CNST: variants seen among roughly 807,000 people sequenced by gnomAD.
CNST encodes consortin, connexin sorting protein.
CNST carries 39 observed loss-of-function variants against 72.4 expected under a neutral mutation model. That is an observed-to-expected ratio of 0.54 (90% CI 0.42 to 0.70). The LOEUF is 0.70. Among genes scored for constraint, CNST ranks in the 30% least tolerant of loss-of-function variants. CNST has a pLI of 0.00. For synonymous variants in CNST, 332 were observed against 320.1 expected, an observed-to-expected ratio of 1.04 and a Z score of -0.40; for missense variants, 871 against 868.5, an observed-to-expected ratio of 1.00 and a Z score of -0.04.
At chr1:246,635,602 A>G (rs1665159834) in intron 6 of CNST, among the ~76,000 whole-genome samples, 1 of 152,232 alleles carries the variant, frequency 6.6e-6, no homozygotes, top group African/African-American at 2.4e-5. Context: ...TCTTCTGCTA[A>G]TAAGTAGTCT....
intron 9 of CNST, among the ~76,000 whole-genome samples, chr1:246,658,786 A>G (rs368301395): frequency 2.6e-5 from 4 of 152,214 alleles, no homozygotes; most frequent in Non-Finnish European, 4.4e-5. Context: ...TTAGGCCCAC[A>G]GTGCCTGCCT....
At position 246,621,491 on chromosome 1, in the gene CNST, G is replaced by A; in HGVS notation, c.442G>A (p.Ala148Thr). The A allele has an allele frequency of 6.2e-7, 1 of 1,614,188 alleles. No individual in the cohort carries two copies. Among genetic ancestry groups the A allele is most frequent in the Non-Finnish European group, 8.5e-7 (1 of 1,180,020 alleles). The part of the protein sequence containing the change: ...QEKVLSAVTY[A>T]VDDEEAAEVN... ...AAAAGTACTAAGCGCAGTCACATAT[G>A]CTGTTGATGATGAAGAAGCTGCTGA... The change falls in exon 3 of 11, where the codon GCT (alanine) becomes ACT (threonine). Residue 148 changes from alanine (A) to threonine (T), a missense_variant. Ala to Thr is a moderately conservative substitution (Grantham distance 58, BLOSUM62 0). Coordinates refer to ENST00000366513, the MANE Select transcript of CNST (RefSeq NM_152609.3).
intron 9 of CNST, among the ~76,000 whole-genome samples, chr1:246,651,111 T>C (rs567408919): frequency 6.6e-6 from 1 of 152,196 alleles, no homozygotes; most frequent in Admixed American, 6.6e-5. Flanking sequence ...CACACTTGGC[T>C]GATTTTACTG....
rs577441937 is a variant in CNST at position 246,605,503 on chromosome 1, T to C, written c.379+13562T>C. Reference sequence around the variant, plus strand: ...CACGCTGTTTTAATGCGCGCCTGGGTGCAGACGGGCTGAGGCCTAAAATGG... The same window carrying C: ...CACGCTGTTTTAATGCGCGCCTGGGCGCAGACGGGCTGAGGCCTAAAATGG... On this transcript the variant is annotated intron_variant, in intron 2 of 10. Transcript: ENST00000366513. 3.3e-5 allele frequency among the ~76,000 whole-genome samples: 5 copies of C among 152,246 alleles called. No individual in the cohort carries two copies. The South Asian group carries it at 1.0e-3, about 32-fold the overall frequency.
intron 9 of CNST, among the ~76,000 whole-genome samples, chr1:246,659,456 A>G (rs180834493): frequency 1.1e-3 from 165 of 152,238 alleles, no homozygotes; most frequent in African/African-American, 2.5e-3. Context: ...TTAGCCGAGC[A>G]TGGTGGCGGG....
chr1:246,607,621 T>G (rs1279821416), intron 2 of CNST: 2 of 152,358 alleles, frequency 1.3e-5, no homozygotes, highest in Admixed American at 1.3e-4. Flanking sequence ...GAAGTGTCCC[T>G]GTCTGACGTC....
At chr1:246,649,293 T>A (rs931271060) in intron 9 of CNST, among the ~76,000 whole-genome samples, 1 of 152,132 alleles carries the variant, frequency 6.6e-6, no homozygotes, top group Non-Finnish European at 1.5e-5. Context: ...TTGATTGCAA[T>A]GAATGCCACT....
At chr1:246,605,930 C>T (rs1326932944) in intron 2 of CNST, 3 of 152,102 alleles carry the variant, frequency 2.0e-5, no homozygotes, top group Non-Finnish European at 2.9e-5. Context: ...CGCCTTGGGA[C>T]TGGGTCTGAG....
rs775929830 is a variant in CNST at position 246,591,641 on chromosome 1, A to G, written c.79A>G (p.Arg27Gly). The G allele has an allele frequency of 4.3e-6, 7 of 1,614,136 alleles. No individual in the cohort carries two copies. The highest frequency in any genetic ancestry group is 2.7e-5 in the African/African-American group (2 of 74,954). The change falls in exon 2 of 11, where the codon AGG (arginine) becomes GGG (glycine). Residue 27 changes from arginine (R) to glycine (G), a missense_variant. Coordinates refer to ENST00000366513, the MANE Select transcript of CNST (RefSeq NM_152609.3). ...ATGTCATCCTGGTGACAGCGTGGAAAGGAGTGTGACCTGTCTGCCTTCTGC... is the reference window on the plus strand; with the variant it reads ...ATGTCATCCTGGTGACAGCGTGGAAGGGAGTGTGACCTGTCTGCCTTCTGC... ...DGCHPGDSVE[R>G]SVTCLPSASD...
In CNST at chr1:246,621,498, A is replaced by G. The variant is rs2103077784; in HGVS notation, c.449A>G (p.Asp150Gly). 1 of 1,614,172 alleles carries G rather than the reference A, an allele frequency of 6.2e-7. No homozygotes were observed. Among genetic ancestry groups the G allele is most frequent in the Non-Finnish European group, 8.5e-7 (1 of 1,179,992 alleles). The change falls in exon 3 of 11, where the codon GAT becomes GGT. Residue 150 changes from aspartate to glycine, a missense_variant. Transcript: ENST00000366513. ...CTAAGCGCAGTCACATATGCTGTTG[A>G]TGATGAAGAAGCTGCTGAAGTAAAT... ...KVLSAVTYAV[D>G]DEEAAEVNAN...
At chr1:246,573,687 T>C (rs142477004) in intron 1 of CNST, among the ~76,000 whole-genome samples, 406 of 152,342 alleles carry the variant, frequency 2.7e-3, no homozygotes, top group African/African-American at 9.1e-3. Flanking sequence ...AAAAACCTTA[T>C]GAGCAAAATT....
intron 5 of CNST, 194 bp downstream of exon 5, chr1:246,634,204 C>G (rs745914466): frequency 1.6e-5 from 9 of 559,426 alleles, no homozygotes; most frequent in African/African-American, 3.8e-5. Flanking sequence ...TTGTATTTTG[C>G]TCTTCATATC....
intron 6 of CNST, 112 bp downstream of exon 6, chr1:246,634,699 G>A: frequency 1.5e-6 from 1 of 661,112 alleles, no homozygotes; most frequent in Non-Finnish European, 2.6e-6. Context: ...AAATTAAGAT[G>A]GATATAATAT....
chr1:246,623,485 C>T (rs764645280), intron 3 of CNST, among the ~76,000 whole-genome samples: 6 of 152,262 alleles, frequency 3.9e-5, no homozygotes, highest in South Asian at 2.1e-4. Context: ...GGCACAGTGG[C>T]TCATACCTAT....
chr1:246,654,374 C>CA (rs1666656199), intron 9 of CNST, among the ~76,000 whole-genome samples: 1 of 152,212 alleles, frequency 6.6e-6, no homozygotes, highest in Non-Finnish European at 1.5e-5. Flanking sequence ...TGGAGAGTAC[C>CA]AAACAGTGCC....
At position 246,648,172 on chromosome 1, in the gene CNST, T is replaced by C. The variant is rs1229612907; in HGVS notation, c.1836+135T>C. The C allele has an allele frequency of 2.1e-6, 3 of 1,428,252 alleles. No homozygotes were observed. The East Asian group carries it at 7.6e-5, about 36-fold the overall frequency. 88.5% of individuals were successfully genotyped at this position (1,428,252 alleles called of 1,614,324 possible). On this transcript the variant is annotated intron_variant, in intron 9 of 10. Transcript: ENST00000366513. ...GAAAATTCTAGTTAACGTAAGCTTTTAATTATTAGTAGTTTTTACATTTGT... is the reference window on the plus strand; with the variant it reads ...GAAAATTCTAGTTAACGTAAGCTTTCAATTATTAGTAGTTTTTACATTTGT...
chr1:246,591,659 C>T lies in CNST; in HGVS notation c.97C>T (p.Pro33Ser). ...DSVERSVTCL[P>S]SASDENENQL... ...CGTGGAAAGGAGTGTGACCTGTCTG[C>T]CTTCTGCATCAGATGAAAATGAAAA... The change falls in exon 2 of 11, where the codon CCT (proline) becomes TCT (serine). Residue 33 changes from proline (P) to serine (S), a missense_variant. By Grantham distance (74) the Pro-to-Ser change is moderately conservative. Transcript: ENST00000366513. 2 of 1,614,176 alleles carry T rather than the reference C, an allele frequency of 1.2e-6. No individual in the cohort carries two copies. The highest frequency in any genetic ancestry group is 1.7e-6 in the Non-Finnish European group (2 of 1,180,042).
intron 10 of CNST, among the ~76,000 whole-genome samples, chr1:246,663,979 A>G (rs1382173549): frequency 6.6e-6 from 1 of 152,200 alleles, no homozygotes; most frequent in Non-Finnish European, 1.5e-5. Context: ...TTCATGTATT[A>G]CTGCACAATG....
chr1:246,645,046 G>A (rs1022353943), intron 8 of CNST, among the ~76,000 whole-genome samples: 13 of 152,152 alleles, frequency 8.5e-5, no homozygotes, highest in Non-Finnish European at 1.8e-4. Flanking sequence ...TCTCCCAAAG[G>A]TGACCCCTTC....
Sources: allele counts gnomAD v4.1 joint callset (sites outside exome capture counted in the v4.1 genomes callset), GRCh38; gene constraint gnomAD v4.1.1; transcripts MANE v1.5; gene names NCBI Gene and HGNC (gene_info 2026-07-23, HGNC 2026-07-21).